TMLHE: variants seen among roughly 807,000 people sequenced by gnomAD.
TMLHE encodes the protein trimethyllysine dioxygenase, mitochondrial.
In TMLHE, 18 loss-of-function variants were observed where a neutral mutation model predicts 25.7. The ratio of observed to expected loss-of-function variants is 0.70; its 90% CI spans 0.48 to 1.04. The LOEUF (loss-of-function observed/expected upper bound fraction) is 1.04, where lower values mean the gene tolerates loss of function less well. Among genes scored for constraint, TMLHE ranks in the 50% least tolerant of loss-of-function variants. TMLHE has a pLI of 0.00. For synonymous variants in TMLHE, 105 were observed against 97.0 expected (o/e 1.08, Z -0.49); for missense variants, 236 against 259.0 (o/e 0.91, Z 0.61).
chrX:155,537,790 AC>A (rs1164302098), intron 2 of TMLHE, among the ~76,000 whole-genome samples: 1 of 110,019 alleles, frequency 9.1e-6, no homozygotes, highest in Admixed American at 9.8e-5. Context: ...TCAAGTTCCT[AC>A]CTCCTGTGCA....
At chrX:155,548,538 A>AATGTAT (rs2067379466) in intron 1 of TMLHE, among the ~76,000 whole-genome samples, 10 of 109,608 alleles carry the variant, frequency 9.1e-5, no homozygotes, top group Non-Finnish European at 1.9e-4. Context: ...GTATGAGGCC[A>AATGTAT]GCCTGACTAA....
At chrX:155,595,898 TAA>T (rs1484378643) in intron 1 of TMLHE, among the ~76,000 whole-genome samples, 1 of 111,864 alleles carries the variant, frequency 8.9e-6, no homozygotes, top group Non-Finnish European at 1.9e-5. Flanking sequence ...TTAAAAATGT[TAA>T]GAGAAGCAGC....
chrX:155,560,194 C>T (rs1364709067), intron 1 of TMLHE, among the ~76,000 whole-genome samples: 1 of 111,930 alleles, frequency 8.9e-6, no homozygotes, highest in African/African-American at 3.2e-5. Flanking sequence ...ATACTGCCTT[C>T]TCTGCTTACC....
intron 1 of TMLHE, among the ~76,000 whole-genome samples, chrX:155,570,864 A>G (rs77558831): frequency 1.7e-5 from 1 of 57,483 alleles, no homozygotes; most frequent in African/African-American, 4.2e-5. Flanking sequence ...AGCACTAAAT[A>G]CCCACAAGAG....
intron 1 of TMLHE, among the ~76,000 whole-genome samples, chrX:155,604,130 G>T (rs1163505731): frequency 8.9e-6 from 1 of 111,755 alleles, no homozygotes; most frequent in Non-Finnish European, 1.9e-5. Flanking sequence ...CCTGGCTTGG[G>T]CCCACAGAAC....
intron 1 of TMLHE, among the ~76,000 whole-genome samples, chrX:155,585,715 G>A (rs1557345214): frequency 9.0e-6 from 1 of 111,143 alleles, no homozygotes; most frequent in Non-Finnish European, 1.9e-5. Context: ...TAGACCAAAT[G>A]GACCTAACAG....
chrX:155,509,129 T>C (rs940792883), intron 5 of TMLHE, among the ~76,000 whole-genome samples: 2 of 111,452 alleles, frequency 1.8e-5, no homozygotes, highest in Non-Finnish European at 3.8e-5. Flanking sequence ...AATAAAATGA[T>C]GAAAATTATA....
At chrX:155,577,177 A>G (rs782047568) in intron 1 of TMLHE, among the ~76,000 whole-genome samples, 1 of 112,381 alleles carries the variant, frequency 8.9e-6, no homozygotes, top group Non-Finnish European at 1.9e-5. Context: ...AAACAACCCC[A>G]TTAAAGAGTG....
At chrX:155,538,236 A>T (rs912073052) in intron 2 of TMLHE, among the ~76,000 whole-genome samples, 2 of 111,471 alleles carry the variant, frequency 1.8e-5, no homozygotes, top group East Asian at 5.7e-4. Context: ...TTGTCTTCCT[A>T]TGCCTGGCTT....
At chrX:155,588,023 C>G (rs1422117744) in intron 1 of TMLHE, among the ~76,000 whole-genome samples, 1 of 111,668 alleles carries the variant, frequency 9.0e-6, no homozygotes, top group African/African-American at 3.2e-5. Flanking sequence ...GGAACTAAAA[C>G]AGAGCCCGAG....
rs144254260 is a variant in TMLHE at position 155,599,428 on chromosome X, T to G, written c.-2+13364A>C. On this transcript the variant is annotated intron_variant, in intron 1 of 7. Transcript: ENST00000334398. ...AGCAGAACAAATCCAAGAAAAAAAGTAAAGACATGAATCATGTTCAAGGTT... is the reference window on the plus strand; with the variant it reads ...AGCAGAACAAATCCAAGAAAAAAAGGAAAGACATGAATCATGTTCAAGGTT... Among the ~76,000 whole-genome samples, 764 of 111,553 alleles carry G rather than the reference T, an allele frequency of 6.8e-3. 6 individuals carry two copies. The highest frequency in any genetic ancestry group is 0.024 in the African/African-American group (727 of 30,689).
intron 5 of TMLHE, among the ~76,000 whole-genome samples, chrX:155,510,947 T>G (rs922548266): frequency 9.1e-6 from 1 of 109,768 alleles, no homozygotes; most frequent in African/African-American, 3.3e-5. Flanking sequence ...CCATTCTAAC[T>G]GGTGTGAGAT....
At chrX:155,560,787 G>GC (rs1557341732) in intron 1 of TMLHE, among the ~76,000 whole-genome samples, 1 of 61,403 alleles carries the variant, frequency 1.6e-5, no homozygotes, top group African/African-American at 3.6e-5. Flanking sequence ...ATCATGTAGG[G>GC]CCTTATAAGC....
At chrX:155,532,266 C>T (rs188835033) in intron 2 of TMLHE, among the ~76,000 whole-genome samples, 2 of 111,597 alleles carry the variant, frequency 1.8e-5, no homozygotes, top group African/African-American at 3.3e-5. Context: ...CATCAGAAAC[C>T]CTCTGAGAAT....
chrX:155,505,917 T>C (rs2067073555), intron 6 of TMLHE, among the ~76,000 whole-genome samples: 2 of 111,198 alleles, frequency 1.8e-5, no homozygotes, highest in South Asian at 7.5e-4. Context: ...GCAGGAGCGG[T>C]AATCCATCTG....
intron 2 of TMLHE, among the ~76,000 whole-genome samples, chrX:155,539,451 A>T (rs1292183358): frequency 5.4e-5 from 6 of 111,523 alleles, no homozygotes; most frequent in Non-Finnish European, 1.1e-4. Context: ...AAATCTCTTC[A>T]ACTAGATGAT....
At chrX:155,546,034 G>A (rs1410285812) in intron 1 of TMLHE, among the ~76,000 whole-genome samples, 1 of 110,213 alleles carries the variant, frequency 9.1e-6, no homozygotes, top group Non-Finnish European at 1.9e-5. Context: ...TTCCGACTAT[G>A]TGAAACTTTC....
At chrX:155,551,803 TTATTA>T (rs1197134173) in intron 1 of TMLHE, among the ~76,000 whole-genome samples, 1 of 110,448 alleles carries the variant, frequency 9.1e-6, no homozygotes, top group Non-Finnish European at 1.9e-5. Flanking sequence ...TCCTCCCTCC[TTATTA>T]TGACTATTTA....
At chrX:155,532,957 G>C (rs1156779935) in intron 2 of TMLHE, among the ~76,000 whole-genome samples, 1 of 111,498 alleles carries the variant, frequency 9.0e-6, no homozygotes, top group Non-Finnish European at 1.9e-5. Flanking sequence ...GAAAATCACT[G>C]TAATGGTTAA....
Sources: gnomAD v4.1 joint callset for allele counts (sites outside exome capture counted in the v4.1 genomes callset) on GRCh38, gnomAD v4.1.1 for gene constraint, MANE v1.5 for transcripts, NCBI Gene and HGNC (gene_info 2026-07-23, HGNC 2026-07-21) for gene names.